The following FGF13 variants were observed in gnomAD, a reference collection of about 807,000 sequenced individuals.
FGF13 encodes the protein fibroblast growth factor 13, also known as fibroblast growth factor homologous factor 2.
In FGF13, 2 loss-of-function variants were observed where a neutral mutation model predicts 19.5. That is an observed-to-expected ratio of 0.10 (90% CI 0.04 to 0.32). FGF13 has a LOEUF of 0.32. Ranked by LOEUF, FGF13 falls within the 10% of genes least tolerant of loss-of-function variation. FGF13 has a pLI of 1.00. For synonymous variants in FGF13, 72 were observed against 76.9 expected, an observed-to-expected ratio of 0.94 and a Z score of 0.33; for missense variants, 113 against 192.7, an observed-to-expected ratio of 0.59 and a Z score of 2.45.
At chrX:138,809,519 C>T (rs1321448874) in intron 3 of FGF13, among the ~76,000 whole-genome samples, 2 of 111,588 alleles carry the variant, frequency 1.8e-5, no homozygotes, top group Admixed American at 1.9e-4. Flanking sequence ...GGAAGCATTC[C>T]CTTTGAAAAC....
chrX:138,633,428 C>A (rs2124091525), intron 4 of FGF13, among the ~76,000 whole-genome samples: 1 of 111,230 alleles, frequency 9.0e-6, no homozygotes, highest in African/African-American at 3.3e-5. Context: ...CTAACTTCAA[C>A]CACATATGGT....
At chrX:138,722,587 C>T (rs1336070665) in intron 1 of FGF13, among the ~76,000 whole-genome samples, 1 of 111,201 alleles carries the variant, frequency 9.0e-6, no homozygotes, top group Non-Finnish European at 1.9e-5. Flanking sequence ...TATCCACCTG[C>T]TCCCGGGTTT....
At chrX:138,938,698 A>G (rs1253228116) in intron 1 of FGF13, among the ~76,000 whole-genome samples, 2 of 111,760 alleles carry the variant, frequency 1.8e-5, no homozygotes, top group Non-Finnish European at 3.8e-5. Flanking sequence ...TTTGGAATGC[A>G]TCAAGTAGGA....
chrX:138,901,662 G>A (rs557151435), intron 1 of FGF13, among the ~76,000 whole-genome samples: 1 of 111,688 alleles, frequency 9.0e-6, no homozygotes, highest in East Asian at 2.8e-4. Flanking sequence ...GCACCAAATG[G>A]AGTAGTATTT....
intron 1 of FGF13, among the ~76,000 whole-genome samples, chrX:138,940,476 T>C (rs1466781316): frequency 8.9e-6 from 1 of 111,736 alleles, no homozygotes; most frequent in Non-Finnish European, 1.9e-5. Context: ...TGCAATTGCT[T>C]TTGGGGTGTT....
In FGF13 at chrX:138,905,049, A is replaced by C. The variant is rs772420735; in HGVS notation, c.-112-40399T>G. ...CCAAACCTGACGGAAAGAAAGAAGA[A>C]TGACTTAAGAAATCTGGCAGTGGTC... On this transcript the variant is annotated intron_variant, in intron 1 of 2. Coordinates refer to the FGF13 transcript ENST00000421460. 3.6e-5 allele frequency among the ~76,000 whole-genome samples: 4 copies of C among 111,814 alleles called. No homozygotes were observed. The East Asian group carries it at 1.1e-3, about 32-fold the overall frequency.
intron 1 of FGF13, among the ~76,000 whole-genome samples, chrX:138,732,626 T>C (rs994808972): frequency 2.7e-5 from 3 of 111,398 alleles, no homozygotes; most frequent in East Asian, 5.7e-4. Flanking sequence ...TGGAACCTTT[T>C]TGGGGTGATG....
upstream of FGF13, chrX:138,716,449 C>T (rs1225298617): frequency 9.0e-6 from 1 of 111,607 alleles, no homozygotes; most frequent in Non-Finnish European, 1.9e-5. Flanking sequence ...GGCACAGTGG[C>T]TCACACCTGT....
At position 139,054,899 on chromosome X, in the gene FGF13, G is replaced by GTTGTGTTGTGTTGTGTTGTA. The variant is rs1556347171; in HGVS notation, c.-113+148516_-113+148517insTACAACACAACACAACACAA. ...GTTGTGTTGTGTTGTGTTGTGTTGT[G>GTTGTGTTGTGTTGTGTTGTA]TTGTATTGTATTGTATTGTATTGTA... On this transcript the variant is annotated intron_variant, in intron 1 of 2. Coordinates refer to the FGF13 transcript ENST00000421460. 3.9e-3 allele frequency among the ~76,000 whole-genome samples: 381 copies of GTTGTGTTGTGTTGTGTTGTA among 98,908 alleles called. 8 individuals are homozygous for GTTGTGTTGTGTTGTGTTGTA. Among genetic ancestry groups the GTTGTGTTGTGTTGTGTTGTA allele is most frequent in the African/African-American group, 0.015 (354 of 24,256 alleles). The allele number at this position is 98,908 out of a possible 115,157, so 85.9% of individuals were successfully genotyped here. A position where few individuals can be genotyped will look rare whatever the true frequency, so the allele number is the denominator to read the frequency against.
chrX:138,723,501 G>C (rs2090162390), intron 1 of FGF13, among the ~76,000 whole-genome samples: 2 of 111,054 alleles, frequency 1.8e-5, no homozygotes, highest in African/African-American at 6.6e-5. Context: ...ATTAACAGGA[G>C]TATTTGCTAA....
At chrX:138,691,888 G>C (rs1265755248) in intron 3 of FGF13, among the ~76,000 whole-genome samples, 2 of 111,665 alleles carry the variant, frequency 1.8e-5, no homozygotes, top group Non-Finnish European at 3.8e-5. Flanking sequence ...CATTCAGCTG[G>C]ACAAAACATA....
chrX:139,080,428 C>A (rs2083363012), intron 1 of FGF13, among the ~76,000 whole-genome samples: 2 of 111,748 alleles, frequency 1.8e-5, no homozygotes, highest in South Asian at 7.6e-4. Flanking sequence ...AGAGAAGGCA[C>A]AAAAAGGTAA....
At chrX:138,721,944 A>T (rs1477746746) in intron 1 of FGF13, among the ~76,000 whole-genome samples, 1 of 111,066 alleles carries the variant, frequency 9.0e-6, no homozygotes, top group African/African-American at 3.3e-5. Context: ...GAACATTTTG[A>T]TCACACTTAT....
At chrX:139,082,988 T>C (rs759195524) in intron 1 of FGF13, among the ~76,000 whole-genome samples, 5 of 111,226 alleles carry the variant, frequency 4.5e-5, no homozygotes, top group Non-Finnish European at 9.4e-5. Flanking sequence ...CCTGAGTGAA[T>C]GAAAAAATGA....
rs1239396223 is a variant in FGF13, at chrX:138,622,965, T to C, written c.*9885A>G. On this transcript the variant is annotated 3_prime_UTR_variant, in exon 5 of 5. Coordinates refer to ENST00000315930, the MANE Select transcript of FGF13 (RefSeq NM_004114.5). ...TTCAATTACTTTCATCAATATTTTA[T>C]AGTTTTTAATATAAAGATCTTTCAC... The C allele has an allele frequency of 8.9e-6, 1 of 112,252 alleles. No homozygotes were observed. The highest frequency in any genetic ancestry group is 3.2e-5 in the African/African-American group (1 of 30,944). The allele number at this position is 112,252 out of a possible 1,213,427, so 9.3% of individuals were successfully genotyped here.
intron 3 of FGF13, among the ~76,000 whole-genome samples, chrX:138,809,090 T>C (rs2090898777): frequency 8.9e-6 from 1 of 112,138 alleles, no homozygotes; most frequent in African/African-American, 3.2e-5. Flanking sequence ...CCCTAACTCA[T>C]TTTATGAGGC....
At chrX:138,892,002 A>ATATATGTATGTGTGTG (rs756839627) in intron 1 of FGF13, among the ~76,000 whole-genome samples, 5 of 90,367 alleles carry the variant, frequency 5.5e-5, no homozygotes, top group African/African-American at 2.1e-4. Context: ...ATATATACAT[A>ATATATGTATGTGTGTG]TGTGTGTGTG....
intron 1 of FGF13, among the ~76,000 whole-genome samples, chrX:138,963,654 G>T (rs967567946): frequency 4.5e-5 from 5 of 112,202 alleles, no homozygotes; most frequent in African/African-American, 1.6e-4. Context: ...TGTTGCCCAG[G>T]CTAGTCTTGA....
chrX:138,745,593 G>C (rs751253588), intron 3 of FGF13, among the ~76,000 whole-genome samples: 1 of 112,158 alleles, frequency 8.9e-6, no homozygotes, highest in South Asian at 3.7e-4. Flanking sequence ...CGCGACAATA[G>C]GGACAAAACA....
Sources: gnomAD v4.1 joint callset for allele counts (sites outside exome capture counted in the v4.1 genomes callset) on GRCh38, gnomAD v4.1.1 for gene constraint, MANE v1.5 for transcripts, NCBI Gene and HGNC (gene_info 2026-07-23, HGNC 2026-07-21) for gene names.